TRIP12: variants seen among roughly 807,000 people sequenced by gnomAD.
TRIP12 encodes the protein E3 ubiquitin-protein ligase TRIP12.
Under a neutral mutation model 244.2 loss-of-function variants are expected in TRIP12, and 25 were observed. The observed-to-expected ratio is 0.10, with a 90% CI of 0.07 to 0.14. The LOEUF (loss-of-function observed/expected upper bound fraction) is 0.14, where lower values mean the gene tolerates loss of function less well. TRIP12 is among the 10% of genes least tolerant of loss of function. The probability of loss-of-function intolerance (pLI) is 1.00; values close to 1 mark genes in which losing one functional copy is unlikely to be tolerated. For synonymous variants in TRIP12, 905 were observed against 873.1 expected, an observed-to-expected ratio of 1.04 and a Z score of -0.64; for missense variants, 1,677 against 2,486.4, an observed-to-expected ratio of 0.67 and a Z score of 6.92.
At chr2:229,779,874 C>T (rs2154247256) in intron 34 of TRIP12, among the ~76,000 whole-genome samples, 1 of 152,274 alleles carries the variant, frequency 6.6e-6, no homozygotes, top group Non-Finnish European at 1.5e-5. Context: ...ATAGCTTGCT[C>T]CTTCCTTCAC....
chr2:229,831,099 T>C (rs2053226595), intron 6 of TRIP12: 3 of 710,168 alleles, frequency 4.2e-6, no homozygotes, highest in Non-Finnish European at 7.8e-6. Flanking sequence ...GACAAATTTC[T>C]TGTGCCGTTG....
At chr2:229,922,247 C>A (rs2076725854), upstream of TRIP12, 3 of 473,932 alleles carry the variant, frequency 6.3e-6, no homozygotes, top group South Asian at 2.4e-5. Context: ...CTGTGGAGAT[C>A]TACTTGGTAT....
chr2:229,773,949 CTAGTGCCTTGT>C, intron 38 of TRIP12, 137 bp downstream of exon 38: 1 of 698,190 alleles, frequency 1.4e-6, no homozygotes, highest in South Asian at 2.2e-5. Flanking sequence ...CAAAGAGAAG[CTAGTGCCTTGT>C]AAAGCAGCCT....
At chr2:229,914,077 A>G (rs2074897151) in intron 1 of TRIP12, among the ~76,000 whole-genome samples, 1 of 152,014 alleles carries the variant, frequency 6.6e-6, no homozygotes, top group Non-Finnish European at 1.5e-5. Flanking sequence ...AGACCAGTCT[A>G]CAATCCCAGC....
At chr2:229,816,505 T>A (rs2048529963) in intron 9 of TRIP12, among the ~76,000 whole-genome samples, 1 of 152,208 alleles carries the variant, frequency 6.6e-6, no homozygotes. Context: ...CAAAAATGGC[T>A]ATTTATGTCA....
At chr2:229,827,009 G>A (rs1182550526) in intron 8 of TRIP12, among the ~76,000 whole-genome samples, 1 of 152,018 alleles carries the variant, frequency 6.6e-6, no homozygotes, top group Admixed American at 6.6e-5. Flanking sequence ...GGCCAGGCAT[G>A]GTGGCTCATG....
chr2:229,839,253 C>T (rs916205718), intron 5 of TRIP12, among the ~76,000 whole-genome samples: 2 of 152,140 alleles, frequency 1.3e-5, no homozygotes, highest in African/African-American at 4.8e-5. Flanking sequence ...TGGCTAGGAG[C>T]AACAGGCTAC....
At chr2:229,770,479 A>C (rs1559285399) in intron 39 of TRIP12, among the ~76,000 whole-genome samples, 2 of 152,228 alleles carry the variant, frequency 1.3e-5, no homozygotes, top group Non-Finnish European at 2.9e-5. Context: ...GTTAATCAAA[A>C]ATTTATAGAT....
chr2:229,805,188 A>G (rs575186881), intron 18 of TRIP12, among the ~76,000 whole-genome samples: 18 of 136,746 alleles, frequency 1.3e-4, no homozygotes, highest in Middle Eastern at 4.3e-3. Context: ...TACAGGCGTG[A>G]GACACCATGC....
chr2:229,793,399 T>C, intron 26 of TRIP12: 1 of 261,464 alleles, frequency 3.8e-6, no homozygotes, highest in Non-Finnish European at 7.3e-6. Flanking sequence ...CTCTGTCCCA[T>C]CATAAATCCA....
intron 5 of TRIP12, among the ~76,000 whole-genome samples, chr2:229,838,452 A>C (rs2055413988): frequency 6.6e-6 from 1 of 152,198 alleles, no homozygotes; most frequent in Non-Finnish European, 1.5e-5. Flanking sequence ...TGCCATGAAG[A>C]GCACTTCAAG....
In TRIP12 at chr2:229,778,605, C is replaced by T; in HGVS notation, c.5210-18G>A. On this transcript the variant is annotated intron_variant, in intron 35 of 41. Transcript: ENST00000675903. This position sits in a 1 kb window ranked among gnomAD's most constrained non-coding sequence, Gnocchi z 4.1. ...TTGGCTCCCTGAAAAACAAGCAATG[C>T]AGCAAACTTCAGATGATGTTTCCAA... is the stretch of plus-strand genomic sequence containing the variant. 6.2e-7 allele frequency: 1 copy of T among 1,600,728 alleles called. No homozygotes were observed. Among genetic ancestry groups the T allele is most frequent in the South Asian group, 1.1e-5 (1 of 89,530 alleles).
At chr2:229,780,994 C>G (rs1387241281) in intron 34 of TRIP12, among the ~76,000 whole-genome samples, 1 of 152,214 alleles carries the variant, frequency 6.6e-6, no homozygotes, top group Non-Finnish European at 1.5e-5. Flanking sequence ...ATAACATTAT[C>G]CCAGGTTCAA....
intron 2 of TRIP12, among the ~76,000 whole-genome samples, chr2:229,876,971 T>C (rs1254785181): frequency 1.3e-5 from 2 of 152,080 alleles, no homozygotes. Context: ...ACTGAGATTA[T>C]AGTCATGAGC....
intron 13 of TRIP12, among the ~76,000 whole-genome samples, chr2:229,812,495 C>A (rs2047515533): frequency 6.6e-6 from 1 of 152,196 alleles, no homozygotes. Context: ...ATGATCACTA[C>A]TATTTTATCT....
intron 1 of TRIP12, among the ~76,000 whole-genome samples, chr2:229,889,110 G>T (rs374214950): frequency 6.6e-6 from 1 of 152,262 alleles, no homozygotes; most frequent in African/African-American, 2.4e-5. Context: ...TCCCGCAGGG[G>T]GAAAAAAATT....
chr2:229,776,071 T>C (rs1374827719), intron 37 of TRIP12, among the ~76,000 whole-genome samples: 1 of 152,158 alleles, frequency 6.6e-6, no homozygotes, highest in Non-Finnish European at 1.5e-5. Flanking sequence ...GCAGACAGCC[T>C]GGGTTTGAGT....
chr2:229,895,560 C>T (rs1404636283), intron 1 of TRIP12, among the ~76,000 whole-genome samples: 2 of 147,702 alleles, frequency 1.4e-5, no homozygotes, highest in East Asian at 2.0e-4. Context: ...ATAGGTGTGG[C>T]GGCCTATTAG....
intron 4 of TRIP12, among the ~76,000 whole-genome samples, chr2:229,849,360 T>C (rs556476233): frequency 4.6e-5 from 7 of 152,294 alleles, no homozygotes; most frequent in South Asian, 2.1e-4. Context: ...TATGTAACAG[T>C]ATGTGTTTGG....
Sources: allele counts gnomAD v4.1 joint callset (sites outside exome capture counted in the v4.1 genomes callset), GRCh38; gene constraint gnomAD v4.1.1; non-coding constraint Gnocchi (gnomAD v3.1); transcripts MANE v1.5; gene names NCBI Gene and HGNC (gene_info 2026-07-23, HGNC 2026-07-21).